CCDC192: variants seen among roughly 807,000 people sequenced by gnomAD.
CCDC192 encodes coiled-coil domain-containing protein 192.
intron 5 of CCDC192, among the ~76,000 whole-genome samples, chr5:127,840,084 T>C (rs552575654): frequency 6.6e-6 from 1 of 152,232 alleles, no homozygotes; most frequent in South Asian, 2.1e-4. Context: ...AGGGTGAAGG[T>C]TGATGTTTCA....
At chr5:127,833,299 T>C (rs1235444081) in intron 5 of CCDC192, among the ~76,000 whole-genome samples, 4 of 152,222 alleles carry the variant, frequency 2.6e-5, no homozygotes, top group African/African-American at 9.6e-5. Flanking sequence ...GTCAGAATTA[T>C]TTTACATGTT....
At chr5:127,924,543 T>C (rs1011325119) in intron 6 of CCDC192, among the ~76,000 whole-genome samples, 18 of 152,210 alleles carry the variant, frequency 1.2e-4, no homozygotes, top group African/African-American at 4.3e-4. Flanking sequence ...GCCAGGAATA[T>C]TCCATAAACA....
At chr5:127,897,418 T>C (rs534372264) in intron 6 of CCDC192, among the ~76,000 whole-genome samples, 190 of 152,266 alleles carry the variant, frequency 1.2e-3, no homozygotes, top group African/African-American at 4.5e-3. Flanking sequence ...GAAAGTTCAT[T>C]GAAGTATTTA....
chr5:127,816,551 A>G (rs746247981), intron 5 of CCDC192, among the ~76,000 whole-genome samples: 2 of 152,208 alleles, frequency 1.3e-5, no homozygotes, highest in Non-Finnish European at 2.9e-5. Context: ...CAATGGTCAA[A>G]TCACACCACA....
chr5:127,764,380 G>A (rs1214032339), intron 3 of CCDC192, among the ~76,000 whole-genome samples: 1 of 152,194 alleles, frequency 6.6e-6, no homozygotes, highest in Non-Finnish European at 1.5e-5. Context: ...TTAATTAAAT[G>A]TAGAAGTTGA....
chr5:127,728,087 C>T (rs753867984), intron 2 of CCDC192, among the ~76,000 whole-genome samples: 7 of 152,066 alleles, frequency 4.6e-5, no homozygotes, highest in Non-Finnish European at 1.0e-4. Flanking sequence ...CTGAAAGAGA[C>T]GGGGAGAACA....
chr5:127,774,590 C>A (rs1299306587), intron 3 of CCDC192, among the ~76,000 whole-genome samples: 1 of 152,184 alleles, frequency 6.6e-6, no homozygotes, highest in Non-Finnish European at 1.5e-5. Context: ...TCGGAACTCT[C>A]AGTTCTATTT....
At chr5:127,932,153 CAAAAA>C (rs571133232) in intron 6 of CCDC192, among the ~76,000 whole-genome samples, 1 of 72,296 alleles carries the variant, frequency 1.4e-5, no homozygotes, top group Non-Finnish European at 3.2e-5. Flanking sequence ...GACTCCGTCT[CAAAAA>C]AAAAAAAAAA....
chr5:127,731,252 AC>A (rs1461291787), intron 2 of CCDC192, among the ~76,000 whole-genome samples: 10 of 152,240 alleles, frequency 6.6e-5, no homozygotes, highest in African/African-American at 1.2e-4. Flanking sequence ...TCATGAATGA[AC>A]TCCTGTTCAC....
intron 5 of CCDC192, among the ~76,000 whole-genome samples, chr5:127,802,639 C>G (rs910243508): frequency 3.9e-5 from 6 of 152,170 alleles, no homozygotes; most frequent in African/African-American, 1.4e-4. Flanking sequence ...TTCTCTGTGC[C>G]TCTTTTCAGT....
intron 2 of CCDC192, among the ~76,000 whole-genome samples, chr5:127,729,321 A>G (rs900799001): frequency 1.3e-5 from 2 of 152,204 alleles, no homozygotes; most frequent in Admixed American, 6.5e-5. Flanking sequence ...AACTATCCTA[A>G]ATATATATGC....
At chr5:127,894,482 C>T (rs916145544) in intron 6 of CCDC192, among the ~76,000 whole-genome samples, 4 of 152,106 alleles carry the variant, frequency 2.6e-5, no homozygotes, top group East Asian at 1.9e-4. Context: ...TGAGCCACCG[C>T]GCCTGGCCAA....
chr5:127,706,525 G>GAAAAAAAA (rs1224118510), intron 1 of CCDC192, among the ~76,000 whole-genome samples: 1 of 60,268 alleles, frequency 1.7e-5, no homozygotes, highest in Non-Finnish European at 3.0e-5. Context: ...CTCCATCTCA[G>GAAAAAAAA]AAAAAAAAAA....
chr5:127,741,451 A>G (rs74562653), intron 2 of CCDC192, among the ~76,000 whole-genome samples: 4,475 of 152,284 alleles, frequency 0.029, 141 homozygotes, highest in African/African-American at 0.083. Context: ...TACATGAATG[A>G]TATTGAGAAG....
At chr5:127,895,412 T>G (rs1392414658) in intron 6 of CCDC192, among the ~76,000 whole-genome samples, 1 of 152,212 alleles carries the variant, frequency 6.6e-6, no homozygotes, top group Non-Finnish European at 1.5e-5. Context: ...AATCCAGATC[T>G]CCTAGCCAAT....
intron 5 of CCDC192, among the ~76,000 whole-genome samples, chr5:127,854,648 C>T (rs146135688): frequency 3.3e-5 from 5 of 152,292 alleles, no homozygotes; most frequent in African/African-American, 1.2e-4. Context: ...ACCTCCTTGA[C>T]TGAGCACCAC....
chr5:127,720,317 A>C (rs1092294), intron 2 of CCDC192, among the ~76,000 whole-genome samples: 118,456 of 152,168 alleles, frequency 0.78, 46,236 homozygotes, highest in East Asian at 0.89. Context: ...CTCAGCAGGG[A>C]AGTCATTAAA....
At chr5:127,850,954 A>C (rs1281673976) in intron 5 of CCDC192, among the ~76,000 whole-genome samples, 1 of 152,148 alleles carries the variant, frequency 6.6e-6, no homozygotes, top group Non-Finnish European at 1.5e-5. Flanking sequence ...CGACAGAGAG[A>C]GACTCCATCT....
intron 3 of CCDC192, among the ~76,000 whole-genome samples, chr5:127,787,528 A>C (rs1756617376): frequency 6.6e-6 from 1 of 151,968 alleles, no homozygotes; most frequent in Admixed American, 6.6e-5. Flanking sequence ...TGTACGTGAA[A>C]ATTTTTCAAT....
Sources: gnomAD v4.1 joint callset for allele counts (sites outside exome capture counted in the v4.1 genomes callset) on GRCh38, gnomAD v4.1.1 for gene constraint, MANE v1.5 for transcripts, NCBI Gene and HGNC (gene_info 2026-07-23, HGNC 2026-07-21) for gene names.